DNER: variants seen among roughly 807,000 people sequenced by gnomAD.
The protein encoded by DNER is delta/notch like EGF repeat containing, also known as delta and Notch-like epidermal growth factor-related receptor.
In DNER, 33 loss-of-function variants were observed where a neutral mutation model predicts 78.2. The observed-to-expected ratio is 0.42, with a 90% CI of 0.32 to 0.56. DNER has a LOEUF of 0.56. Among genes scored for constraint, DNER ranks in the 20% least tolerant of loss-of-function variants. The probability of loss-of-function intolerance (pLI) is 0.11; values close to 1 mark genes in which losing one functional copy is unlikely to be tolerated. For missense variants in DNER, 918 were observed against 975.3 expected, an observed-to-expected ratio of 0.94 and a Z score of 0.78; for synonymous variants, 417 against 384.8, an observed-to-expected ratio of 1.08 and a Z score of -0.98.
At chr2:229,617,809 C>G (rs566207438) in intron 1 of DNER, among the ~76,000 whole-genome samples, 1 of 151,978 alleles carries the variant, frequency 6.6e-6, no homozygotes, top group South Asian at 2.1e-4. Context: ...AAAATTAGCT[C>G]GGTGTGGTGG....
intron 10 of DNER, among the ~76,000 whole-genome samples, chr2:229,391,381 G>A (rs192666456): frequency 1.5e-3 from 232 of 152,098 alleles, no homozygotes; most frequent in African/African-American, 5.2e-3. Flanking sequence ...TGACCTTTTA[G>A]TTGGCTCACT....
chr2:229,434,533 G>C (rs183202422), intron 8 of DNER, among the ~76,000 whole-genome samples: 21 of 152,182 alleles, frequency 1.4e-4, no homozygotes, highest in Admixed American at 6.5e-4. Flanking sequence ...TCAATTATAT[G>C]AGTAAATTCT....
chr2:229,653,609 G>C (rs1698859724), intron 1 of DNER, among the ~76,000 whole-genome samples: 1 of 151,970 alleles, frequency 6.6e-6, no homozygotes. Flanking sequence ...TTTCCTGCCT[G>C]AGCAGTTCAA....
intron 1 of DNER, among the ~76,000 whole-genome samples, chr2:229,647,791 T>G (rs1394542982): frequency 6.6e-6 from 1 of 152,170 alleles, no homozygotes; most frequent in African/African-American, 2.4e-5. Context: ...TCATAAGAAT[T>G]TTAAGGGAAA....
intron 6 of DNER, among the ~76,000 whole-genome samples, chr2:229,511,224 C>T (rs1297947915): frequency 6.6e-6 from 1 of 152,182 alleles, no homozygotes; most frequent in Non-Finnish European, 1.5e-5. Flanking sequence ...CACCCAGTGG[C>T]AGAAGCTGGC....
chr2:229,547,023 G>A lies in DNER; in HGVS notation c.917C>T (p.Thr306Ile), dbSNP rs899954542. The A allele has an allele frequency of 1.2e-6, 2 of 1,614,050 alleles. No homozygotes were observed. The highest frequency in any genetic ancestry group is 1.3e-5 in the African/African-American group (1 of 74,920). The change falls in exon 5 of 13, where the codon ACC becomes ATC. Residue 306 changes from threonine to isoleucine, a missense_variant. Transcript: ENST00000341772. ...TGCGTGACTCTCCCCCGGCACACAG[G>A]TGCTGACCTTCACCACCAGAGTTAA... ...LRLTLVVKVSTCVPGESHAND... is the reference protein window; with the variant it reads ...LRLTLVVKVSICVPGESHAND...
intron 1 of DNER, among the ~76,000 whole-genome samples, chr2:229,670,011 A>C (rs1699180896): frequency 6.6e-6 from 1 of 152,164 alleles, no homozygotes; most frequent in African/African-American, 2.4e-5. Context: ...CCTTCAGATC[A>C]AAGCTGCTGA....
chr2:229,370,758 T>C (rs1338150699), intron 11 of DNER, among the ~76,000 whole-genome samples: 1 of 152,226 alleles, frequency 6.6e-6, no homozygotes, highest in Admixed American at 6.5e-5. Context: ...GGGCAGCCAG[T>C]ACTATGTTTC....
chr2:229,389,874 G>A (rs548587247), intron 10 of DNER, among the ~76,000 whole-genome samples: 3 of 152,138 alleles, frequency 2.0e-5, no homozygotes, highest in Admixed American at 6.5e-5. Context: ...TAATATATAC[G>A]TGAATTTGTT....
intron 7 of DNER, among the ~76,000 whole-genome samples, chr2:229,450,390 TAATATTA>T (rs1318610257): frequency 6.6e-6 from 1 of 152,188 alleles, no homozygotes. Flanking sequence ...GTAGAAGAGT[TAATATTA>T]AATATAGTTC....
intron 8 of DNER, among the ~76,000 whole-genome samples, chr2:229,421,037 C>A (rs1410636333): frequency 6.6e-6 from 1 of 152,046 alleles, no homozygotes; most frequent in Non-Finnish European, 1.5e-5. Flanking sequence ...GACAGAAGAA[C>A]GGACAGGTCA....
chr2:229,381,718 G>A (rs1194246732), intron 11 of DNER, among the ~76,000 whole-genome samples: 1 of 152,222 alleles, frequency 6.6e-6, no homozygotes, highest in Non-Finnish European at 1.5e-5. Context: ...TAACCAGACA[G>A]CCTCTCTAGA....
intron 4 of DNER, among the ~76,000 whole-genome samples, chr2:229,563,359 C>T (rs1214856269): frequency 1.3e-5 from 2 of 151,152 alleles, no homozygotes; most frequent in African/African-American, 4.9e-5. Context: ...CTCCTTACCC[C>T]ATCACCATCA....
chr2:229,417,974 A>T (rs1383135792), intron 9 of DNER, 134 bp downstream of exon 9: 16 of 1,448,020 alleles, frequency 1.1e-5, no homozygotes, highest in Non-Finnish European at 1.5e-5. Flanking sequence ...GGACCGATTA[A>T]TCATGCCAGC....
At chr2:229,639,050 T>A (rs993683868) in intron 1 of DNER, among the ~76,000 whole-genome samples, 1 of 152,202 alleles carries the variant, frequency 6.6e-6, no homozygotes, top group Non-Finnish European at 1.5e-5. Context: ...TGAATGGCAG[T>A]GTCTGGGAGT....
At chr2:229,418,467 C>A (rs1263836618) in intron 8 of DNER, among the ~76,000 whole-genome samples, 2 of 152,132 alleles carry the variant, frequency 1.3e-5, no homozygotes, top group East Asian at 3.9e-4. Context: ...AGAAGTGATT[C>A]CATTTATCCA....
At chr2:229,702,200 A>G (rs1380754832) in intron 1 of DNER, 1 of 156,784 alleles carries the variant, frequency 6.4e-6, no homozygotes, top group African/African-American at 2.4e-5. Flanking sequence ...TGTTCTGGTA[A>G]ACTGCATACT....
chr2:229,468,860 C>T (rs1694861376), intron 7 of DNER, among the ~76,000 whole-genome samples: 1 of 152,034 alleles, frequency 6.6e-6, no homozygotes, highest in East Asian at 1.9e-4. Context: ...AAAGAAGGGG[C>T]CTCCAATTCT....
chr2:229,631,729 C>T (rs1698436260), intron 1 of DNER, among the ~76,000 whole-genome samples: 1 of 152,174 alleles, frequency 6.6e-6, no homozygotes, highest in Admixed American at 6.5e-5. Context: ...GAAATGCCTG[C>T]TGCACAGCCA....
Sources: allele counts gnomAD v4.1 joint callset (sites outside exome capture counted in the v4.1 genomes callset), GRCh38; gene constraint gnomAD v4.1.1; transcripts MANE v1.5; gene names NCBI Gene and HGNC (gene_info 2026-07-23, HGNC 2026-07-21).